Variants in PECAM1 observed in about 807,000 individuals in gnomAD.
PECAM1 encodes the protein platelet endothelial cell adhesion molecule.
Under a neutral mutation model 13.8 loss-of-function variants are expected in PECAM1, and 8 were observed. The ratio of observed to expected loss-of-function variants is 0.58; its 90% CI spans 0.34 to 1.05. PECAM1 has a LOEUF of 1.05. Ranked by LOEUF, PECAM1 falls within the 50% of genes least tolerant of loss-of-function variation. PECAM1 has a pLI of 0.03. For missense variants in PECAM1, 304 were observed against 141.2 expected (o/e 2.15, Z -5.84); for synonymous variants, 136 against 52.6 (o/e 2.58, Z -6.86).
chr17:64,352,324 G>A, intron 11 of PECAM1, 66 bp downstream of exon 11: 1 of 459,406 alleles, frequency 2.2e-6, no homozygotes, highest in East Asian at 3.2e-5. Flanking sequence ...TTCTGCTTCT[G>A]AGAGGGCTAA....
At chr17:64,344,353 T>G (rs1304310702) in intron 13 of PECAM1, among the ~76,000 whole-genome samples, 1 of 152,108 alleles carries the variant, frequency 6.6e-6, no homozygotes, top group African/African-American at 2.4e-5. Flanking sequence ...TGGCAGGCTC[T>G]TTGTCTCTGC....
intron 14 of PECAM1, among the ~76,000 whole-genome samples, chr17:64,340,898 G>A (rs1416123819): frequency 6.6e-6 from 1 of 152,152 alleles, no homozygotes; most frequent in African/African-American, 2.4e-5. Context: ...GGGAGTTTGC[G>A]ACCAGCTTGA....
chr17:64,370,275 A>T (rs2036211295), intron 4 of PECAM1: 1 of 326,436 alleles, frequency 3.1e-6, no homozygotes, highest in Non-Finnish European at 5.5e-6. Context: ...AAGGCCAAAC[A>T]CCTTCTCTAG....
intron 7 of PECAM1, among the ~76,000 whole-genome samples, chr17:64,356,674 T>C (rs1266540040): frequency 6.6e-6 from 1 of 152,054 alleles, no homozygotes; most frequent in Non-Finnish European, 1.5e-5. Context: ...GTTGTTGTTT[T>C]AGAGACGGGG....
chr17:64,390,466 T>A, intron 2 of PECAM1, 23 bp downstream of exon 2: 1 of 472,444 alleles, frequency 2.1e-6, no homozygotes, highest in East Asian at 3.1e-5. Context: ...AAACATCTGT[T>A]ACAGTGGAAA....
intron 6 of PECAM1, among the ~76,000 whole-genome samples, chr17:64,361,227 C>T (rs2035971448): frequency 6.6e-6 from 1 of 151,110 alleles, no homozygotes; most frequent in Admixed American, 6.6e-5. Flanking sequence ...CTGACCACAA[C>T]CTCCACCTCC....
At chr17:64,383,737 C>T (rs1198405520) in intron 2 of PECAM1, among the ~76,000 whole-genome samples, 2 of 152,184 alleles carry the variant, frequency 1.3e-5, no homozygotes, top group Admixed American at 6.5e-5. Context: ...TTGGCTAATG[C>T]ACCAAGCAGT....
chr17:64,364,645 TG>T (rs1267627089), intron 5 of PECAM1, among the ~76,000 whole-genome samples: 2 of 147,114 alleles, frequency 1.4e-5, no homozygotes, highest in Non-Finnish European at 3.0e-5. Context: ...GCTTCATCCC[TG>T]GGATGCAAGG....
chr17:64,381,521 C>G (rs1007126989), intron 2 of PECAM1, among the ~76,000 whole-genome samples: 27 of 152,168 alleles, frequency 1.8e-4, no homozygotes, highest in Non-Finnish European at 3.5e-4. Context: ...TCCTTTCCCT[C>G]TCTTTTAACA....
rs530211305 is a variant in PECAM1, at chr17:64,322,786, G to C, written c.*1030C>G. On this transcript the variant is annotated 3_prime_UTR_variant, in exon 16 of 16. Transcript: ENST00000563924. ...GCTGGAGTGCAGTGGCGCGATCTCC[G>C]CTCACTACAACCTCCGTTTCCTGGG... 1 of 657,570 alleles carries C rather than the reference G, an allele frequency of 1.5e-6. No individual in the cohort carries two copies. The highest frequency in any genetic ancestry group is 2.0e-5 in the African/African-American group (1 of 51,266). The allele number at this position is 657,570 out of a possible 1,614,324, so 40.7% of individuals were successfully genotyped here.
intron 6 of PECAM1, among the ~76,000 whole-genome samples, chr17:64,361,469 C>A (rs2035978838): frequency 6.6e-6 from 1 of 151,656 alleles, no homozygotes; most frequent in Non-Finnish European, 1.5e-5. Flanking sequence ...TTAAATTATT[C>A]TCAGCCAGTC....
Position 64,341,697 on chromosome 17 carries a change from A to G in PECAM1, c.2108-7T>C. ...GTGTCCTTCTTTCCTAGATCTGGAAAAAGGACCAGGCATAAGTTAGTAGCT... is the reference window on the plus strand; with the variant it reads ...GTGTCCTTCTTTCCTAGATCTGGAAGAAGGACCAGGCATAAGTTAGTAGCT... On this transcript the variant is annotated splice_polypyrimidine_tract_variant and splice_region_variant and intron_variant, in intron 13 of 15. Coordinates refer to ENST00000563924, the MANE Select transcript of PECAM1 (RefSeq NM_000442.5). 2.3e-6 allele frequency: 1 copy of G among 437,482 alleles called. No individual in the cohort carries two copies. The highest frequency in any genetic ancestry group is 4.2e-6 in the Non-Finnish European group (1 of 239,758). 27.1% of individuals were successfully genotyped at this position (437,482 alleles called of 1,614,324 possible). A position where few individuals can be genotyped will look rare whatever the true frequency, so the allele number is the denominator to read the frequency against.
At position 64,322,670 on chromosome 17, in the gene PECAM1, A is replaced by C; in HGVS notation, c.*1146T>G. The C allele has an allele frequency of 1.0e-6, 1 of 985,414 alleles. No homozygotes were observed. The allele number at this position is 985,414 out of a possible 1,614,324, so 61.0% of individuals were successfully genotyped here. On this transcript the variant is annotated 3_prime_UTR_variant, in exon 16 of 16. Transcript: ENST00000563924. The stretch of plus-strand genomic sequence containing the variant: ...TCTCCCACCCACTCAAGACACTGTC[A>C]GGAATGTCTTAAGACCTCAGGAGAC...
intron 5 of PECAM1, among the ~76,000 whole-genome samples, chr17:64,365,670 A>G (rs1319073155): frequency 1.3e-5 from 2 of 150,844 alleles, no homozygotes; most frequent in African/African-American, 4.8e-5. Flanking sequence ...ATAACGCCGC[A>G]TATCAACAAC....
At chr17:64,368,925 T>C (rs1250726210) in intron 5 of PECAM1, among the ~76,000 whole-genome samples, 1 of 127,398 alleles carries the variant, frequency 7.8e-6, no homozygotes, top group Admixed American at 9.7e-5. Flanking sequence ...AGGGTAATTG[T>C]CATTTCTTTT....
At chr17:64,346,348 T>G (rs986275538) in intron 13 of PECAM1, among the ~76,000 whole-genome samples, 1 of 151,934 alleles carries the variant, frequency 6.6e-6, no homozygotes, top group Non-Finnish European at 1.5e-5. Context: ...CATTTTTAAT[T>G]TTTTTTTAGA....
At chr17:64,349,150 C>T (rs1568017395) in intron 12 of PECAM1, among the ~76,000 whole-genome samples, 1 of 152,240 alleles carries the variant, frequency 6.6e-6, no homozygotes, top group East Asian at 1.9e-4. Context: ...GAGGCATACA[C>T]GTGAATGAAA....
intron 2 of PECAM1, among the ~76,000 whole-genome samples, chr17:64,385,650 C>G (rs1394774001): frequency 6.6e-6 from 1 of 152,198 alleles, no homozygotes; most frequent in African/African-American, 2.4e-5. Flanking sequence ...CTGTCCCAAA[C>G]AGCAAAGGTT....
At chr17:64,376,827 T>G in intron 3 of PECAM1, among the ~76,000 whole-genome samples, 1 of 152,028 alleles carries the variant, frequency 6.6e-6, no homozygotes, top group Non-Finnish European at 1.5e-5. Flanking sequence ...ATACAAAAAA[T>G]TAGCCAGGCA....
Sources: allele counts gnomAD v4.1 joint callset (sites outside exome capture counted in the v4.1 genomes callset), GRCh38; gene constraint gnomAD v4.1.1; transcripts MANE v1.5; gene names NCBI Gene and HGNC (gene_info 2026-07-23, HGNC 2026-07-21).